EYA1: variants seen among roughly 807,000 people sequenced by gnomAD.
The protein encoded by EYA1 is protein phosphatase EYA1.
EYA1 carries 16 observed loss-of-function variants against 82.0 expected under a neutral mutation model. The observed-to-expected ratio is 0.20, with a 90% CI of 0.13 to 0.30. The LOEUF (loss-of-function observed/expected upper bound fraction) is 0.30. Ranked by LOEUF, EYA1 falls within the 10% of genes least tolerant of loss-of-function variation. The pLI is 1.00. For synonymous variants in EYA1, 261 were observed against 264.4 expected, an observed-to-expected ratio of 0.99 and a Z score of 0.12; for missense variants, 633 against 730.7, an observed-to-expected ratio of 0.87 and a Z score of 1.54.
At chr8:71,461,318 C>T (rs1051012072) in intron 2 of EYA1, among the ~76,000 whole-genome samples, 36 of 152,082 alleles carry the variant, frequency 2.4e-4, no homozygotes, top group African/African-American at 2.4e-4. Context: ...GTGAGCGTGG[C>T]GTCTGAACAT....
At chr8:71,451,696 T>A (rs1242597509) in intron 2 of EYA1, among the ~76,000 whole-genome samples, 1 of 152,244 alleles carries the variant, frequency 6.6e-6, no homozygotes, top group Non-Finnish European at 1.5e-5. Flanking sequence ...TGAACATATC[T>A]TCATTAATTA....
intron 2 of EYA1, among the ~76,000 whole-genome samples, chr8:71,439,541 C>A (rs577263929): frequency 2.6e-5 from 4 of 152,322 alleles, no homozygotes; most frequent in African/African-American, 9.6e-5. Context: ...AGGGTAGATT[C>A]ATATTTTCTA....
intron 3 of EYA1, among the ~76,000 whole-genome samples, chr8:71,339,461 C>A (rs1233443602): frequency 6.6e-6 from 1 of 152,126 alleles, no homozygotes; most frequent in East Asian, 1.9e-4. Flanking sequence ...GCCAGACCCC[C>A]TTTTCCACCT....
intron 2 of EYA1, among the ~76,000 whole-genome samples, chr8:71,387,333 A>ATGGGTGTTGACATTTAAGAGGAGAAG (rs1829023077): frequency 2.0e-5 from 3 of 152,190 alleles, no homozygotes; most frequent in Admixed American, 2.0e-4. Flanking sequence ...CTATATGCAG[A>ATGGGTGTTGACATTTAAGAGGAGAAG]TGGGTGTTGA....
chr8:71,263,615 G>A (rs1320759583), intron 11 of EYA1, among the ~76,000 whole-genome samples: 5 of 152,118 alleles, frequency 3.3e-5, no homozygotes, highest in South Asian at 2.1e-4. Context: ...GAATTGTCCC[G>A]GAAGGCAGGA....
intron 7 of EYA1, among the ~76,000 whole-genome samples, chr8:71,307,359 C>T (rs1820843367): frequency 6.6e-6 from 1 of 152,030 alleles, no homozygotes; most frequent in Non-Finnish European, 1.5e-5. Context: ...GGCTAGAGTG[C>T]AGTGGCATGA....
chr8:71,272,132 A>T (rs150059713), intron 9 of EYA1, among the ~76,000 whole-genome samples: 1 of 152,318 alleles, frequency 6.6e-6, no homozygotes, highest in African/African-American at 2.4e-5. Flanking sequence ...GGTGAGAGGC[A>T]ACAGGTTGTA....
chr8:71,316,370 A>C (rs1472809265), intron 7 of EYA1, among the ~76,000 whole-genome samples: 1 of 152,178 alleles, frequency 6.6e-6, no homozygotes, highest in Non-Finnish European at 1.5e-5. Flanking sequence ...TAAATAAGAT[A>C]TATCTATTTA....
chr8:71,380,196 A>C (rs11775242), intron 2 of EYA1, among the ~76,000 whole-genome samples: 3 of 151,944 alleles, frequency 2.0e-5, no homozygotes, highest in Non-Finnish European at 2.9e-5. Context: ...TTTGTGGAAC[A>C]TGTGATCTAT....
At chr8:71,414,052 T>C (rs1830736953) in intron 2 of EYA1, among the ~76,000 whole-genome samples, 1 of 152,164 alleles carries the variant, frequency 6.6e-6, no homozygotes, top group African/African-American at 2.4e-5. Context: ...AAGAGGTTAA[T>C]GGCAAGGCAA....
At chr8:71,280,345 A>C (rs1817676056) in intron 9 of EYA1, among the ~76,000 whole-genome samples, 1 of 152,230 alleles carries the variant, frequency 6.6e-6, no homozygotes, top group Non-Finnish European at 1.5e-5. Flanking sequence ...TGAATGAAAA[A>C]AGGATATGTA....
At chr8:71,318,545 G>T (rs973750729) in intron 6 of EYA1, among the ~76,000 whole-genome samples, 1 of 152,148 alleles carries the variant, frequency 6.6e-6, no homozygotes, top group African/African-American at 2.4e-5. Context: ...CAGCACTGAG[G>T]TATGGGGCTC....
At chr8:71,418,180 C>T (rs1830954423) in intron 2 of EYA1, among the ~76,000 whole-genome samples, 1 of 152,212 alleles carries the variant, frequency 6.6e-6, no homozygotes, top group East Asian at 1.9e-4. Flanking sequence ...AAGATTCATT[C>T]TAGTTCCCCA....
chr8:71,234,193 T>C (rs1811558340), intron 12 of EYA1, among the ~76,000 whole-genome samples: 1 of 152,208 alleles, frequency 6.6e-6, no homozygotes, highest in African/African-American at 2.4e-5. Context: ...TCATTCTCCT[T>C]GCCATACCAC....
chr8:71,470,432 C>G (rs1487514443), intron 2 of EYA1, among the ~76,000 whole-genome samples: 1 of 152,030 alleles, frequency 6.6e-6, no homozygotes, highest in African/African-American at 2.4e-5. Flanking sequence ...AAAAAGGGAA[C>G]CAGCTCTGAA....
intron 2 of EYA1, among the ~76,000 whole-genome samples, chr8:71,451,922 G>A (rs551598515): frequency 6.6e-6 from 1 of 152,176 alleles, no homozygotes; most frequent in African/African-American, 2.4e-5. Flanking sequence ...GACAGTGGGT[G>A]CAGGACTGTG....
At chr8:71,212,843 GGC>G (rs1808687586) in intron 16 of EYA1, among the ~76,000 whole-genome samples, 1 of 152,140 alleles carries the variant, frequency 6.6e-6, no homozygotes, top group African/African-American at 2.4e-5. Context: ...CACTTTGGAA[GGC>G]CAAGGCAGAT....
chr8:71,286,656 C>T (rs187317786), intron 9 of EYA1, among the ~76,000 whole-genome samples: 10 of 152,112 alleles, frequency 6.6e-5, no homozygotes, highest in South Asian at 6.2e-4. Flanking sequence ...AAGATTCCCA[C>T]GTAGAAGGCC....
chr8:71,239,235 G>C (rs1390166800), intron 12 of EYA1, among the ~76,000 whole-genome samples: 1 of 151,984 alleles, frequency 6.6e-6, no homozygotes, highest in Non-Finnish European at 1.5e-5. Context: ...ATCATTTCTT[G>C]CTTAAAAAAC....
Sources: gnomAD v4.1 joint callset for allele counts (sites outside exome capture counted in the v4.1 genomes callset) on GRCh38, gnomAD v4.1.1 for gene constraint, MANE v1.5 for transcripts, NCBI Gene and HGNC (gene_info 2026-07-23, HGNC 2026-07-21) for gene names.